The following PIGN variants were observed in gnomAD, a reference collection of about 807,000 sequenced individuals.
PIGN encodes the protein GPI ethanolamine phosphate transferase 1.
Under a neutral mutation model 125.4 loss-of-function variants are expected in PIGN, and 117 were observed. The observed-to-expected ratio is 0.93, with a 90% CI of 0.80 to 1.09. The LOEUF (loss-of-function observed/expected upper bound fraction) is 1.09, where lower values mean the gene tolerates loss of function less well. Among genes scored for constraint, PIGN ranks in the 50% least tolerant of loss-of-function variants. The pLI is 0.00. For missense variants in PIGN, 1,075 were observed against 1,094.9 expected (o/e 0.98, Z 0.26); for synonymous variants, 392 against 377.8 (o/e 1.04, Z -0.44).
downstream of PIGN, among the ~76,000 whole-genome samples, chr18:62,036,965 G>C (rs76726689): frequency 6.6e-6 from 1 of 152,178 alleles, no homozygotes; most frequent in East Asian, 1.9e-4. Flanking sequence ...GCTCTTCAAG[G>C]GCAGGACTGA....
At chr18:62,149,369 T>A (rs1457161187) in intron 7 of PIGN, among the ~76,000 whole-genome samples, 1 of 152,118 alleles carries the variant, frequency 6.6e-6, no homozygotes, top group African/African-American at 2.4e-5. Flanking sequence ...TAAATCTAGA[T>A]AAAAACAATA....
intron 30 of PIGN, chr18:62,059,168 T>C (rs762807617): frequency 1.1e-5 from 1 of 93,644 alleles, no homozygotes; most frequent in African/African-American, 4.3e-5. Flanking sequence ...TGAGACCCTG[T>C]CTCAAAAAAA....
chr18:62,179,288 C>A (rs1265257492), intron 1 of PIGN, among the ~76,000 whole-genome samples: 2 of 146,932 alleles, frequency 1.4e-5, no homozygotes, highest in South Asian at 4.4e-4. Flanking sequence ...AAATGTTCCC[C>A]CATTTCATAC....
intron 4 of PIGN, 89 bp from the exon 5 acceptor site, chr18:62,157,897 G>A: frequency 8.0e-7 from 1 of 1,249,914 alleles, no homozygotes; most frequent in Non-Finnish European, 1.1e-6. Flanking sequence ...ATTACAGAAG[G>A]AATCAAAAGC....
chr18:62,052,706 A>G (rs2031414307), intron 30 of PIGN: 1 of 155,284 alleles, frequency 6.4e-6, no homozygotes, highest in African/African-American at 2.4e-5. Context: ...ATTTACCTTT[A>G]AAGTTAATAT....
Position 62,071,634 on chromosome 18 carries a change from A to G in PIGN, c.2672+1039T>C, listed in dbSNP as rs545671148. ...ATATACATGGTGGTCCCATAAGATG[A>G]TAACAGACCTAGTGATAGCGCAGTG... On this transcript the variant is annotated intron_variant, in intron 30 of 30. Transcript: ENST00000640252. Among the ~76,000 whole-genome samples the G allele has an allele frequency of 2.0e-5, 3 of 152,026 alleles. No individual in the cohort carries two copies. The South Asian group carries it at 6.2e-4, about 32-fold the overall frequency.
chr18:62,033,991 T>C (rs1200442373), intron 23 of PIGN, among the ~76,000 whole-genome samples: 1 of 152,198 alleles, frequency 6.6e-6, no homozygotes, highest in Non-Finnish European at 1.5e-5. Flanking sequence ...ACACAACTAA[T>C]AAGAAGCAGA....
chr18:62,178,497 TG>T (rs1440849694), intron 1 of PIGN, among the ~76,000 whole-genome samples: 2 of 151,190 alleles, frequency 1.3e-5, no homozygotes, highest in Non-Finnish European at 2.9e-5. Context: ...CAGCCAAAAC[TG>T]TAAGACAGAG....
At chr18:62,121,050 T>C (rs2060101) in intron 14 of PIGN, among the ~76,000 whole-genome samples, 25,754 of 152,196 alleles carry the variant, frequency 0.17, 2,935 homozygotes, top group Middle Eastern at 0.29. Flanking sequence ...GCTGTCATTA[T>C]ACTAATATAA....
chr18:62,072,167 G>C (rs192064654), intron 30 of PIGN, among the ~76,000 whole-genome samples: 18 of 151,074 alleles, frequency 1.2e-4, no homozygotes, highest in Admixed American at 1.2e-3. Context: ...TTTTAAAATA[G>C]AAAAGAGCTT....
In PIGN at chr18:62,133,621, T is replaced by C. The variant is rs980125112; in HGVS notation, c.1172+4622A>G. On this transcript the variant is annotated intron_variant, in intron 14 of 30. Transcript: ENST00000640252. Reference sequence around the variant, plus strand: ...TTATCCAACATTTGTTTGTTTATATTGCCTGTTATGTCCTTAATAAAATTT... The same window carrying C: ...TTATCCAACATTTGTTTGTTTATATCGCCTGTTATGTCCTTAATAAAATTT... 7.9e-5 allele frequency among the ~76,000 whole-genome samples: 12 copies of C among 152,210 alleles called. No homozygotes were observed. In the East Asian group the frequency reaches 2.1e-3, roughly 27 times the overall value.
intron 1 of PIGN, among the ~76,000 whole-genome samples, chr18:62,166,997 C>T (rs561181342): frequency 3.6e-4 from 55 of 152,276 alleles, no homozygotes; most frequent in African/African-American, 1.3e-3. Flanking sequence ...CAGTAAACCA[C>T]CATGGCACAT....
chr18:62,154,629 A>G lies in PIGN; in HGVS notation c.465T>C (p.Tyr155=). The change falls in exon 7 of 31, where the codon TAT becomes TAC. Residue 155 remains tyrosine, a synonymous_variant. Transcript: ENST00000640252. ...CTCTTTTAGCATCATAACTATATGTATAAACGTGGTCTCCACTAGCACCTG... is the reference window on the plus strand; with the variant it reads ...CTCTTTTAGCATCATAACTATATGTGTAAACGTGGTCTCCACTAGCACCTG... ...FAKGASGDHV[Y]TYSYDAKRED... 1 of 1,559,364 alleles carries G rather than the reference A, an allele frequency of 6.4e-7. No homozygotes were observed. Among genetic ancestry groups the G allele is most frequent in the African/African-American group, 1.4e-5 (1 of 73,822 alleles).
chr18:62,049,705 T>C (rs2031094192), intron 30 of PIGN, among the ~76,000 whole-genome samples: 1 of 150,954 alleles, frequency 6.6e-6, no homozygotes, highest in African/African-American at 2.4e-5. Context: ...TTAGTTTAAT[T>C]AGATCCCATT....
At chr18:62,097,875 G>A (rs985178348) in intron 22 of PIGN, among the ~76,000 whole-genome samples, 18 of 152,030 alleles carry the variant, frequency 1.2e-4, no homozygotes, top group Non-Finnish European at 2.1e-4. Flanking sequence ...TGAAGTGGGT[G>A]GGGTGGCAAA....
chr18:62,080,513 T>C (rs892438064), intron 28 of PIGN, among the ~76,000 whole-genome samples: 19 of 152,150 alleles, frequency 1.2e-4, no homozygotes, highest in African/African-American at 4.6e-4. Flanking sequence ...TAGTCAGAAA[T>C]CTGCTACATG....
rs1435523559 is a variant in PIGN, at chr18:62,102,761, A to C, written c.1968+33T>G. The C allele has an allele frequency of 7.6e-6, 7 of 920,282 alleles. 1 individual carries two copies. Among genetic ancestry groups the C allele is most frequent in the Non-Finnish European group, 1.2e-5 (7 of 595,030 alleles). The allele number at this position is 920,282 out of a possible 1,614,324, so 57.0% of individuals were successfully genotyped here. A position where few individuals can be genotyped will look rare whatever the true frequency, so the allele number is the denominator to read the frequency against. ...ATAAGACACATTTCAGTATATCATT[A>C]GTATAACATAGTATTGAAAATCTGT... On this transcript the variant is annotated intron_variant, in intron 21 of 30. Coordinates refer to ENST00000640252, the MANE Select transcript of PIGN (RefSeq NM_176787.5).
intron 14 of PIGN, among the ~76,000 whole-genome samples, chr18:62,118,231 T>C (rs969654493): frequency 1.3e-5 from 2 of 152,162 alleles, no homozygotes; most frequent in African/African-American, 2.4e-5. Flanking sequence ...CTTTTTATTA[T>C]TGTTTGTATA....
At chr18:62,131,620 T>C (rs1001316946) in intron 14 of PIGN, among the ~76,000 whole-genome samples, 1 of 152,164 alleles carries the variant, frequency 6.6e-6, no homozygotes, top group African/African-American at 2.4e-5. Flanking sequence ...ACTTTTATTC[T>C]TTTTAGAGGT....
Sources: gnomAD v4.1 joint callset for allele counts (sites outside exome capture counted in the v4.1 genomes callset) on GRCh38, gnomAD v4.1.1 for gene constraint, MANE v1.5 for transcripts, NCBI Gene and HGNC (gene_info 2026-07-23, HGNC 2026-07-21) for gene names.